ARSK: variants seen among roughly 807,000 people sequenced by gnomAD.
ARSK encodes arylsulfatase family member K.
A neutral mutation model predicts 53.2 loss-of-function variants in ARSK; 37 were observed. The observed-to-expected ratio is 0.70, with a 90% CI of 0.54 to 0.92. The LOEUF (loss-of-function observed/expected upper bound fraction) is 0.92, where lower values mean the gene tolerates loss of function less well. Ranked by LOEUF, ARSK falls within the 40% of genes least tolerant of loss-of-function variation. The probability of loss-of-function intolerance (pLI) is 0.00; values close to 1 mark genes in which losing one functional copy is unlikely to be tolerated. For synonymous variants in ARSK, 208 were observed against 223.2 expected (o/e 0.93, Z 0.61); for missense variants, 613 against 643.0 (o/e 0.95, Z 0.51).
intron 5 of ARSK, 108 bp from the exon 6 acceptor site, chr5:95,591,293 A>G (rs1749210166): frequency 1.1e-6 from 1 of 912,358 alleles, no homozygotes; most frequent in Admixed American, 2.3e-5. Context: ...TCAGATGTTA[A>G]GAAGCATAGT....
intron 4 of ARSK, among the ~76,000 whole-genome samples, chr5:95,585,486 C>T (rs1025426032): frequency 6.6e-6 from 1 of 152,102 alleles, no homozygotes; most frequent in African/African-American, 2.4e-5. Context: ...ACTACTCAGC[C>T]GTAAGAAAGG....
intron 3 of ARSK, among the ~76,000 whole-genome samples, chr5:95,576,118 A>C (rs1748919894): frequency 6.6e-6 from 1 of 151,984 alleles, no homozygotes; most frequent in Admixed American, 6.6e-5. Flanking sequence ...ATTTTATTAA[A>C]AGCTTTTTCA....
chr5:95,587,849 T>C (rs1223351292), intron 5 of ARSK, among the ~76,000 whole-genome samples: 3 of 147,890 alleles, frequency 2.0e-5, no homozygotes, highest in African/African-American at 7.5e-5. Context: ...GAGGTTGCAG[T>C]GAGTGGAGAT....
At chr5:95,582,038 C>T (rs1328868337) in intron 3 of ARSK, among the ~76,000 whole-genome samples, 1 of 151,894 alleles carries the variant, frequency 6.6e-6, no homozygotes, top group Non-Finnish European at 1.5e-5. Context: ...TGCAATTTCT[C>T]TTAAGTGGAG....
At chr5:95,565,575 C>T (rs187142479) in intron 1 of ARSK, among the ~76,000 whole-genome samples, 2 of 152,234 alleles carry the variant, frequency 1.3e-5, no homozygotes, top group Admixed American at 6.5e-5. Context: ...TCAAAGCACA[C>T]GTCATAATTT....
chr5:95,581,090 T>C (rs190933690), intron 3 of ARSK: 4 of 315,256 alleles, frequency 1.3e-5, no homozygotes, highest in Admixed American at 8.3e-5. Context: ...AGGATACCAC[T>C]AAGATAATAG....
intron 1 of ARSK, among the ~76,000 whole-genome samples, chr5:95,562,677 A>T (rs1462853658): frequency 1.3e-5 from 2 of 151,900 alleles, no homozygotes; most frequent in East Asian, 3.8e-4. Context: ...GTGTGGACCC[A>T]TGAGAATTAA....
At chr5:95,594,879 A>G (rs925795039) in intron 6 of ARSK, among the ~76,000 whole-genome samples, 3 of 152,042 alleles carry the variant, frequency 2.0e-5, no homozygotes, top group Non-Finnish European at 4.4e-5. Context: ...TCCTTCTCAT[A>G]TACTGCTACT....
At chr5:95,570,267 C>G (rs563558114) in intron 3 of ARSK, among the ~76,000 whole-genome samples, 2 of 152,222 alleles carry the variant, frequency 1.3e-5, no homozygotes, top group Non-Finnish European at 2.9e-5. Flanking sequence ...ACCACTCTCT[C>G]CATCCCTCAG....
chr5:95,578,521 C>T (rs942122101), intron 3 of ARSK, among the ~76,000 whole-genome samples: 5 of 151,716 alleles, frequency 3.3e-5, no homozygotes, highest in Admixed American at 2.0e-4. Flanking sequence ...TTTATTAGGT[C>T]GATACAGAGA....
intron 3 of ARSK, among the ~76,000 whole-genome samples, chr5:95,571,193 A>T (rs1748825491): frequency 6.6e-6 from 1 of 152,258 alleles, no homozygotes; most frequent in Non-Finnish European, 1.5e-5. Flanking sequence ...CTAAAGTAAG[A>T]TACAACTGTT....
intron 4 of ARSK, among the ~76,000 whole-genome samples, chr5:95,584,147 C>T (rs971637547): frequency 5.3e-5 from 8 of 152,136 alleles, no homozygotes; most frequent in African/African-American, 1.9e-4. Context: ...TTGTTGACTT[C>T]TCTTCATTAT....
rs567110913 is a variant in ARSK, at chr5:95,580,364, G to A, written c.417-2552G>A. 3.3e-5 allele frequency among the ~76,000 whole-genome samples: 5 copies of A among 152,298 alleles called. No individual in the cohort carries two copies. The East Asian group carries it at 9.6e-4, about 29-fold the overall frequency. On this transcript the variant is annotated intron_variant, in intron 3 of 7. Transcript: ENST00000380009. ...ACACTTAGAACGATGAGACAAAGAA[G>A]TAGCTCTGAGCATATGAGCGAAAGA...
chr5:95,585,803 C>T (rs74644861), intron 4 of ARSK, among the ~76,000 whole-genome samples: 9,064 of 152,102 alleles, frequency 0.06, 325 homozygotes, highest in East Asian at 0.11. Context: ...CCCCAAAAAC[C>T]TGTGGAAATT....
intron 4 of ARSK, among the ~76,000 whole-genome samples, chr5:95,584,778 AGGCG>A (rs1379809922): frequency 1.3e-5 from 2 of 152,216 alleles, no homozygotes; most frequent in Non-Finnish European, 2.9e-5. Flanking sequence ...TGGAAAGCTG[AGGCG>A]GGTGGATCAC....
intron 4 of ARSK, among the ~76,000 whole-genome samples, chr5:95,583,568 CT>C (rs1749058015): frequency 6.6e-6 from 1 of 151,958 alleles, no homozygotes; most frequent in Admixed American, 6.6e-5. Flanking sequence ...TTTTCTGGCA[CT>C]TTTAAAAACA....
chr5:95,589,808 T>A (rs1229407741), intron 5 of ARSK, among the ~76,000 whole-genome samples: 2 of 152,204 alleles, frequency 1.3e-5, no homozygotes, highest in Non-Finnish European at 2.9e-5. Context: ...ATTGGATTGC[T>A]AGGTCAAATG....
chr5:95,582,900 C>T lies in ARSK; in HGVS notation c.417-16C>T, dbSNP rs1053491377. 3 of 1,577,192 alleles carry T rather than the reference C, an allele frequency of 1.9e-6. No homozygotes were observed. Among genetic ancestry groups the T allele is most frequent in the Non-Finnish European group, 2.6e-6 (3 of 1,157,800 alleles). ...TTAATATACCTGACAATATATGTGT[C>T]TTTTTGCCCCCTCAGTAATCGTGTG... On this transcript the variant is annotated splice_polypyrimidine_tract_variant and intron_variant, in intron 3 of 7. Transcript: ENST00000380009.
At chr5:95,560,997 G>A (rs1366858781) in intron 1 of ARSK, among the ~76,000 whole-genome samples, 1 of 152,034 alleles carries the variant, frequency 6.6e-6, no homozygotes, top group Non-Finnish European at 1.5e-5. Context: ...TTTTAGTAGA[G>A]ATGGGGTTTC....
Sources: allele counts gnomAD v4.1 joint callset (sites outside exome capture counted in the v4.1 genomes callset), GRCh38; gene constraint gnomAD v4.1.1; transcripts MANE v1.5; gene names NCBI Gene and HGNC (gene_info 2026-07-23, HGNC 2026-07-21).